CDR2: variants seen among roughly 807,000 people sequenced by gnomAD.
The protein encoded by CDR2 is cerebellar degeneration related protein 2, also known as cerebellar degeneration-related protein 2.
CDR2 carries 34 observed loss-of-function variants against 48.4 expected under a neutral mutation model. The ratio of observed to expected loss-of-function variants is 0.70; its 90% confidence interval spans 0.53 to 0.94. The LOEUF is 0.94. Among genes scored for constraint, CDR2 ranks in the 40% least tolerant of loss-of-function variants. The pLI is 0.00. For missense variants in CDR2, 498 were observed against 549.5 expected, an observed-to-expected ratio of 0.91 and a Z score of 0.94; for synonymous variants, 240 against 219.7, an observed-to-expected ratio of 1.09 and a Z score of -0.82.
intron 1 of CDR2, among the ~76,000 whole-genome samples, chr16:22,371,787 TGA>T (rs2049079231): frequency 6.6e-6 from 1 of 152,096 alleles, no homozygotes; most frequent in East Asian, 1.9e-4. Context: ...AAGTCCACTG[TGA>T]TAACGTAACA....
At chr16:22,351,995 C>A (rs2048944891) in intron 2 of CDR2, among the ~76,000 whole-genome samples, 2 of 152,298 alleles carry the variant, frequency 1.3e-5, no homozygotes, top group South Asian at 2.1e-4. Context: ...CACCTGTAAT[C>A]CCAACACTTT....
intron 2 of CDR2, among the ~76,000 whole-genome samples, chr16:22,359,252 G>C (rs1306805845): frequency 6.6e-6 from 1 of 151,902 alleles, no homozygotes; most frequent in Non-Finnish European, 1.5e-5. Context: ...TCAGCCTCCT[G>C]AGTAGCTGGG....
At chr16:22,353,288 C>T (rs565161696) in intron 2 of CDR2, among the ~76,000 whole-genome samples, 1 of 152,250 alleles carries the variant, frequency 6.6e-6, no homozygotes, top group East Asian at 1.9e-4. Context: ...CTCTGGTAGA[C>T]ATGGGATCAG....
At position 22,349,853 on chromosome 16, in the gene CDR2, T is replaced by C. The variant is rs1405257999; in HGVS notation, c.193-4A>G. On this transcript the variant is annotated splice_region_variant and splice_polypyrimidine_tract_variant and intron_variant, in intron 2 of 4. Coordinates refer to ENST00000268383, the MANE Select transcript of CDR2 (RefSeq NM_001802.2). ...GTTCCACTTGCTTCGTCAGATACTG[T>C]AAGAGAAGATCAGGACCAGGTGACA... The C allele has an allele frequency of 6.2e-7, 1 of 1,613,920 alleles. No homozygotes were observed. The highest frequency in any genetic ancestry group is 2.2e-5 in the East Asian group (1 of 44,870).
chr16:22,353,290 T>A (rs946333337), intron 2 of CDR2, among the ~76,000 whole-genome samples: 4 of 152,128 alleles, frequency 2.6e-5, no homozygotes, highest in African/African-American at 9.7e-5. Context: ...CTGGTAGACA[T>A]GGGATCAGAG....
In CDR2 at chr16:22,349,425, T is replaced by C. The variant is rs373241721; in HGVS notation, c.360A>G (p.Glu120=). Reference sequence around the variant, plus strand: ...GGTGATCAATGTTGGTTTGCAGGCATTCAATCGTTTCAGTCAGGCTGTGAG... The same window carrying C: ...GGTGATCAATGTTGGTTTGCAGGCACTCAATCGTTTCAGTCAGGCTGTGAG... ...QKILSLTETI[E]CLQTNIDHLQ... Residue 120 remains glutamate (E), a synonymous_variant, in exon 4 of 5, where the codon GAA becomes GAG. Transcript: ENST00000268383. 5 of 1,614,042 alleles carry C rather than the reference T, an allele frequency of 3.1e-6. No homozygotes were observed. In the African/African-American group the frequency reaches 6.7e-5, roughly 22 times the overall value.
At chr16:22,354,236 T>A (rs540925694) in intron 2 of CDR2, among the ~76,000 whole-genome samples, 2 of 152,186 alleles carry the variant, frequency 1.3e-5, no homozygotes, top group African/African-American at 2.4e-5. Flanking sequence ...GAAATGTTGA[T>A]CTTGGACATG....
rs920042391 is a variant in CDR2, at chr16:22,356,660, G to A, written c.193-6811C>T. On this transcript the variant is annotated intron_variant, in intron 2 of 4. Coordinates refer to ENST00000268383, the MANE Select transcript of CDR2 (RefSeq NM_001802.2). Reference sequence around the variant, plus strand: ...CCCAGCTACTCAGGAGGCTGAGGCAGGAGAATCACTTGAACCCAGGAGGTG... The same window carrying A: ...CCCAGCTACTCAGGAGGCTGAGGCAAGAGAATCACTTGAACCCAGGAGGTG... Among the ~76,000 whole-genome samples the A allele has an allele frequency of 3.3e-5, 5 of 152,232 alleles. No homozygotes were observed. The South Asian group carries it at 6.2e-4, about 19-fold the overall frequency.
At chr16:22,370,334 A>G (rs1211575380) in intron 1 of CDR2, among the ~76,000 whole-genome samples, 1 of 152,182 alleles carries the variant, frequency 6.6e-6, no homozygotes, top group Non-Finnish European at 1.5e-5. Context: ...ATAACCCTCC[A>G]AACAGTGATT....
chr16:22,374,571 AGC>A lies in CDR2; in HGVS notation c.-264_-263del, dbSNP rs2049106361. On this transcript the variant is annotated 5_prime_UTR_variant, in exon 1 of 5. Coordinates refer to ENST00000268383, the MANE Select transcript of CDR2 (RefSeq NM_001802.2). ...AACGCCTGGAGCCGGAGTCTCACGC[AGC>A]CGCCAGTCTTCACGCCGCCGCCGGG... is the stretch of plus-strand genomic sequence containing the variant. 1 of 184,576 alleles carries A rather than the reference AGC, an allele frequency of 5.4e-6. No homozygotes were observed. The highest frequency in any genetic ancestry group is 1.1e-5 in the Non-Finnish European group (1 of 90,010). The allele number at this position is 184,576 out of a possible 1,614,324, so 11.4% of individuals were successfully genotyped here. A position where few individuals can be genotyped will look rare whatever the true frequency, so the allele number is the denominator to read the frequency against.
chr16:22,371,744 A>T (rs554502923), intron 1 of CDR2, among the ~76,000 whole-genome samples: 1 of 152,290 alleles, frequency 6.6e-6, no homozygotes, highest in African/African-American at 2.4e-5. Context: ...CTCGTACTCC[A>T]TATAGTTGGT....
chr16:22,371,203 C>T (rs2049073414), intron 1 of CDR2, among the ~76,000 whole-genome samples: 1 of 151,018 alleles, frequency 6.6e-6, no homozygotes, highest in Non-Finnish European at 1.5e-5. Context: ...GAGCGAGACT[C>T]CACCTCAAAA....
chr16:22,361,294 T>C (rs1417951787), intron 2 of CDR2, among the ~76,000 whole-genome samples: 1 of 152,172 alleles, frequency 6.6e-6, no homozygotes, highest in Non-Finnish European at 1.5e-5. Flanking sequence ...TTCTGTAATG[T>C]AGATTTCAAT....
intron 2 of CDR2, among the ~76,000 whole-genome samples, chr16:22,357,245 C>T (rs1459027983): frequency 6.6e-6 from 1 of 152,092 alleles, no homozygotes; most frequent in Non-Finnish European, 1.5e-5. Context: ...GACTGGGTTT[C>T]ACCATGTTGG....
intron 2 of CDR2, among the ~76,000 whole-genome samples, chr16:22,358,980 G>T (rs569268714): frequency 1.3e-5 from 2 of 152,216 alleles, no homozygotes; most frequent in African/African-American, 4.8e-5. Context: ...CCAACACAAA[G>T]AAATGATAAA....
Position 22,347,007 on chromosome 16 carries a change from A to G in CDR2, c.1323T>C (p.Asp441=). 6.2e-7 allele frequency: 1 copy of G among 1,613,832 alleles called. No individual in the cohort carries two copies. Among genetic ancestry groups the G allele is most frequent in the East Asian group, 2.2e-5 (1 of 44,874 alleles). Residue 441 remains aspartate (D), a synonymous_variant, in exon 5 of 5, where the codon GAT becomes GAC. Coordinates refer to ENST00000268383, the MANE Select transcript of CDR2 (RefSeq NM_001802.2). ...GTGATCGGTATTTTGTTCTCTGTTC[A>G]TCTATTTCCTGCTTAGTTTTCTTGA... The part of the protein sequence containing the change: ...SCIKKTKQEI[D]EQRTKYRSLS...
rs2141840758 is a variant in CDR2, at chr16:22,346,586, T to G, written c.*379A>C. 5.3e-6 allele frequency: 1 copy of G among 187,488 alleles called. No individual in the cohort carries two copies. Among genetic ancestry groups the G allele is most frequent in the African/African-American group, 2.3e-5 (1 of 42,712 alleles). 11.6% of individuals were successfully genotyped at this position (187,488 alleles called of 1,614,324 possible). On this transcript the variant is annotated 3_prime_UTR_variant, in exon 5 of 5. Transcript: ENST00000268383. ...TCTGACTTTCATCGTTTTGAGAAGTTGCGCAAGGAAGCAATAGGAATTGCC... is the reference window on the plus strand; with the variant it reads ...TCTGACTTTCATCGTTTTGAGAAGTGGCGCAAGGAAGCAATAGGAATTGCC...
chr16:22,347,876 G>A lies in CDR2; in HGVS notation c.507-53C>T, dbSNP rs528469867. ...ATTACACAGGTCCACTGAAAATGAC[G>A]AGAGGAAGACTGGTGATTTTTTTTC... On this transcript the variant is annotated intron_variant, in intron 4 of 4. Coordinates refer to ENST00000268383, the MANE Select transcript of CDR2 (RefSeq NM_001802.2). The A allele has an allele frequency of 2.3e-5, 34 of 1,484,254 alleles. No homozygotes were observed. The East Asian group carries it at 3.7e-4, about 16-fold the overall frequency. 91.9% of individuals were successfully genotyped at this position (1,484,254 alleles called of 1,614,324 possible). A position where few individuals can be genotyped will look rare whatever the true frequency, so the allele number is the denominator to read the frequency against.
intron 1 of CDR2, among the ~76,000 whole-genome samples, chr16:22,366,693 G>C (rs1481602695): frequency 6.6e-6 from 1 of 152,156 alleles, no homozygotes; most frequent in African/African-American, 2.4e-5. Flanking sequence ...TGGCCAGTTT[G>C]CGGAGGGCCT....
Sources: allele counts gnomAD v4.1 joint callset (sites outside exome capture counted in the v4.1 genomes callset), GRCh38; gene constraint gnomAD v4.1.1; transcripts MANE v1.5; gene names NCBI Gene and HGNC (gene_info 2026-07-23, HGNC 2026-07-21).